Variants in GRHL2 observed in about 807,000 individuals in gnomAD.
GRHL2 encodes the protein grainyhead-like protein 2 homolog.
GRHL2 carries 21 observed loss-of-function variants against 83.8 expected under a neutral mutation model. The ratio of observed to expected loss-of-function variants is 0.25; its 90% CI spans 0.18 to 0.36. The LOEUF (loss-of-function observed/expected upper bound fraction) is 0.36. Among genes scored for constraint, GRHL2 ranks in the 10% least tolerant of loss-of-function variants. The pLI is 1.00. For missense variants in GRHL2, 623 were observed against 781.8 expected (o/e 0.80, Z 2.42); for synonymous variants, 280 against 278.9 (o/e 1.00, Z -0.04).
chr8:101,584,535 G>C (rs1310174477), intron 7 of GRHL2, among the ~76,000 whole-genome samples: 1 of 152,030 alleles, frequency 6.6e-6, no homozygotes, highest in African/African-American at 2.4e-5. Flanking sequence ...TTTTTAATCT[G>C]GAGTCATGCT....
intron 8 of GRHL2, among the ~76,000 whole-genome samples, chr8:101,602,128 A>G (rs1009270892): frequency 2.0e-5 from 3 of 152,246 alleles, no homozygotes; most frequent in African/African-American, 4.8e-5. Flanking sequence ...AAGAGAAATC[A>G]TAAAAGTTAA....
At chr8:101,587,581 A>G (rs750411925) in intron 7 of GRHL2, among the ~76,000 whole-genome samples, 1 of 152,242 alleles carries the variant, frequency 6.6e-6, no homozygotes, top group African/African-American at 2.4e-5. Context: ...TAGCTATAAC[A>G]TCATTCTTTC....
intron 15 of GRHL2, among the ~76,000 whole-genome samples, chr8:101,665,058 CTATT>C (rs1473168039): frequency 6.6e-6 from 1 of 152,166 alleles, no homozygotes; most frequent in Non-Finnish European, 1.5e-5. Context: ...ATGTATTCCT[CTATT>C]TAGTTCTCAC....
At chr8:101,650,545 T>C (rs1813600672) in intron 14 of GRHL2, among the ~76,000 whole-genome samples, 1 of 152,170 alleles carries the variant, frequency 6.6e-6, no homozygotes, top group Non-Finnish European at 1.5e-5. Flanking sequence ...GTGGAATTGC[T>C]CAGCCAGATT....
the GRHL2 span, among the ~76,000 whole-genome samples, chr8:101,676,124 C>G: frequency 6.6e-6 from 1 of 151,390 alleles, no homozygotes; most frequent in African/African-American, 2.4e-5. Context: ...AAAACCTAGG[C>G]ATTACCATTC....
intron 1 of GRHL2, among the ~76,000 whole-genome samples, chr8:101,493,255 G>C (rs1023220292): frequency 6.6e-6 from 1 of 152,186 alleles, no homozygotes; most frequent in Admixed American, 6.5e-5. Flanking sequence ...TTGTGTGACC[G>C]CAACAAAGAG....
intron 8 of GRHL2, among the ~76,000 whole-genome samples, chr8:101,607,189 G>A (rs1269547391): frequency 6.6e-6 from 1 of 152,216 alleles, no homozygotes; most frequent in Non-Finnish European, 1.5e-5. Flanking sequence ...GCCAAGCACA[G>A]TTCTTTTGAA....
rs181171321 is a variant in GRHL2, at chr8:101,493,411, G to A, written c.20+622G>A. 1.7e-3 allele frequency among the ~76,000 whole-genome samples: 251 copies of A among 151,748 alleles called. 1 individual carries two copies. The highest frequency in any genetic ancestry group is 5.9e-3 in the African/African-American group (246 of 41,410). On this transcript the variant is annotated intron_variant, in intron 1 of 15. Coordinates refer to ENST00000646743, the MANE Select transcript of GRHL2 (RefSeq NM_024915.4). ...GGCCGGCGCCGTCCCCCACTCCCTC[G>A]ACATCCCGCCTTCCTCCCCCCTCCC...
In GRHL2 at chr8:101,669,642, G is replaced by A. The variant is rs1814167546; in HGVS notation, c.*2939G>A. Reference sequence around the variant, plus strand: ...AATAGTTTTGTAAATGGGAGAGGGGGAATCTATAAACTATAAATACAGTTA... The same window carrying A: ...AATAGTTTTGTAAATGGGAGAGGGGAAATCTATAAACTATAAATACAGTTA... On this transcript the variant is annotated 3_prime_UTR_variant, in exon 16 of 16. Transcript: ENST00000646743. 6.6e-6 allele frequency: 1 copy of A among 152,140 alleles called. No individual in the cohort carries two copies. The highest frequency in any genetic ancestry group is 2.1e-4 in the South Asian group (1 of 4,804). The allele number at this position is 152,140 out of a possible 1,614,324, so 9.4% of individuals were successfully genotyped here.
intron 3 of GRHL2, among the ~76,000 whole-genome samples, chr8:101,558,139 A>G (rs1419331586): frequency 6.6e-6 from 1 of 152,136 alleles, no homozygotes; most frequent in Admixed American, 6.5e-5. Context: ...TACTGGGATT[A>G]CAGGCATGAG....
chr8:101,639,296 G>A (rs1406005702), intron 12 of GRHL2, among the ~76,000 whole-genome samples: 1 of 147,356 alleles, frequency 6.8e-6, no homozygotes, highest in Non-Finnish European at 1.5e-5. Flanking sequence ...GAACAGCATT[G>A]GAACCAGAGT....
At chr8:101,501,019 C>G (rs1370401444) in intron 1 of GRHL2, among the ~76,000 whole-genome samples, 1 of 152,154 alleles carries the variant, frequency 6.6e-6, no homozygotes, top group Non-Finnish European at 1.5e-5. Flanking sequence ...AAAAGAGCAC[C>G]TTTTGATTTG....
intron 8 of GRHL2, among the ~76,000 whole-genome samples, chr8:101,606,306 T>C (rs1193381826): frequency 6.6e-6 from 1 of 152,186 alleles, no homozygotes; most frequent in Non-Finnish European, 1.5e-5. Flanking sequence ...TGCATGTAAT[T>C]TTTGAAACTG....
chr8:101,645,544 C>G (rs984922052), intron 13 of GRHL2, among the ~76,000 whole-genome samples: 5 of 152,118 alleles, frequency 3.3e-5, no homozygotes, highest in Admixed American at 3.3e-4. Flanking sequence ...CGTCTGTAGC[C>G]TGCCACAGCC....
intron 12 of GRHL2, among the ~76,000 whole-genome samples, chr8:101,639,891 C>T (rs951076694): frequency 1.3e-5 from 2 of 152,234 alleles, no homozygotes; most frequent in Admixed American, 6.5e-5. Flanking sequence ...TAAATTAATG[C>T]TCACATTAGT....
At chr8:101,636,724 T>TACACACACACAC (rs3029438) in intron 11 of GRHL2, 173 bp from the exon 12 acceptor site, 261 of 483,686 alleles carry the variant, frequency 5.4e-4, no homozygotes, top group African/African-American at 1.7e-3. Context: ...TCCTTAGAAA[T>TACACACACACAC]ACACACACAC....
rs529063729 is a variant in GRHL2 at position 101,558,840 on chromosome 8, GA to G, written c.678+30del. On this transcript the variant is annotated intron_variant, in intron 4 of 15. Transcript: ENST00000646743. Reference sequence around the variant, plus strand: ...GAGTCCCAGGCTCCATCGACGGCCAGAACCCAAACCCAGAGCCCCTAGCTAA... The same window carrying G: ...GAGTCCCAGGCTCCATCGACGGCCAGACCCAAACCCAGAGCCCCTAGCTAA... 237 of 1,612,018 alleles carry G rather than the reference GA, an allele frequency of 1.5e-4. 2 individuals are homozygous for G. The African/African-American group carries it at 2.7e-3, about 18-fold the overall frequency.
intron 3 of GRHL2, among the ~76,000 whole-genome samples, chr8:101,557,168 G>A (rs1459543774): frequency 1.3e-5 from 2 of 150,240 alleles, no homozygotes; most frequent in Non-Finnish European, 3.0e-5. Context: ...AAATAAAAAA[G>A]GACATTTTAT....
rs139851910 is a variant in GRHL2 at position 101,588,703 on chromosome 8, G to T, written c.1004-10354G>T. Among the ~76,000 whole-genome samples the T allele has an allele frequency of 4.6e-3, 693 of 152,274 alleles. 5 individuals carry two copies. The highest frequency in any genetic ancestry group is 0.015 in the African/African-American group (613 of 41,544). On this transcript the variant is annotated intron_variant, in intron 7 of 15. Coordinates refer to ENST00000646743, the MANE Select transcript of GRHL2 (RefSeq NM_024915.4). ...AGATTTATAGTCTTTCTTCTGCACT[G>T]CCAATTACCAAAAAGTTATTTCTAG...
Sources: gnomAD v4.1 joint callset for allele counts (sites outside exome capture counted in the v4.1 genomes callset) on GRCh38, gnomAD v4.1.1 for gene constraint, MANE v1.5 for transcripts, NCBI Gene and HGNC (gene_info 2026-07-23, HGNC 2026-07-21) for gene names.